RPS6KA5: variants seen among roughly 807,000 people sequenced by gnomAD.
RPS6KA5 encodes ribosomal protein S6 kinase A5.
In RPS6KA5, 27 loss-of-function variants were observed where a neutral mutation model predicts 85.5. The observed-to-expected ratio is 0.32, with a 90% CI of 0.23 to 0.44. The LOEUF (loss-of-function observed/expected upper bound fraction) is 0.44. RPS6KA5 is among the 20% of genes least tolerant of loss of function. The pLI is 1.00. For synonymous variants in RPS6KA5, 334 were observed against 348.2 expected, an observed-to-expected ratio of 0.96 and a Z score of 0.46; for missense variants, 811 against 980.9, an observed-to-expected ratio of 0.83 and a Z score of 2.31.
intron 1 of RPS6KA5, among the ~76,000 whole-genome samples, chr14:91,053,172 A>C (rs1268551932): frequency 2.0e-5 from 3 of 152,200 alleles, no homozygotes; most frequent in East Asian, 1.9e-4. Flanking sequence ...TTCATGATTT[A>C]AAAAAACACC....
At chr14:91,020,881 A>G (rs2041743711) in intron 1 of RPS6KA5, among the ~76,000 whole-genome samples, 2 of 151,956 alleles carry the variant, frequency 1.3e-5, no homozygotes, top group Admixed American at 1.3e-4. Flanking sequence ...TTATTTAAAT[A>G]TAATTTTTTG....
intron 1 of RPS6KA5, among the ~76,000 whole-genome samples, chr14:91,050,292 G>A (rs747105704): frequency 6.6e-6 from 1 of 152,158 alleles, no homozygotes; most frequent in Non-Finnish European, 1.5e-5. Context: ...GAGGCAGAAG[G>A]TTCACTTGAG....
chr14:90,977,900 C>T (rs1163998896), intron 3 of RPS6KA5, among the ~76,000 whole-genome samples: 4 of 152,058 alleles, frequency 2.6e-5, no homozygotes, highest in African/African-American at 9.7e-5. Context: ...ACTTAAAATA[C>T]AAAAATTAGC....
At chr14:90,972,357 C>T (rs1355891302) in intron 3 of RPS6KA5, among the ~76,000 whole-genome samples, 2 of 152,044 alleles carry the variant, frequency 1.3e-5, no homozygotes, top group Non-Finnish European at 2.9e-5. Flanking sequence ...ACTAACCTTA[C>T]CAAGAATTAA....
In RPS6KA5 at chr14:90,988,479, A is replaced by G. The variant is rs1381596776; in HGVS notation, c.176-9955T>C. Among the ~76,000 whole-genome samples the G allele has an allele frequency of 3.3e-5, 5 of 152,224 alleles. No homozygotes were observed. The East Asian group carries it at 7.7e-4, about 23-fold the overall frequency. ...GGAGAGGAATGTTAACCTATACTAC[A>G]CTAAGATGGTTCAGAATCTAAGATG... On this transcript the variant is annotated intron_variant, in intron 2 of 16. Coordinates refer to ENST00000614987, the MANE Select transcript of RPS6KA5 (RefSeq NM_004755.4).
intron 14 of RPS6KA5, among the ~76,000 whole-genome samples, chr14:90,889,716 T>A (rs1313195490): frequency 1.3e-5 from 2 of 152,192 alleles, no homozygotes; most frequent in Non-Finnish European, 2.9e-5. Context: ...TAATCTTATT[T>A]GTTAAAAAAT....
At chr14:91,053,860 C>A (rs1330867021) in intron 1 of RPS6KA5, among the ~76,000 whole-genome samples, 1 of 152,116 alleles carries the variant, frequency 6.6e-6, no homozygotes, top group Non-Finnish European at 1.5e-5. Context: ...ATCCTAGAAT[C>A]CATATGGAAA....
chr14:90,951,271 CAGG>C (rs1415815121), intron 3 of RPS6KA5, among the ~76,000 whole-genome samples: 1 of 152,034 alleles, frequency 6.6e-6, no homozygotes, highest in Non-Finnish European at 1.5e-5. Flanking sequence ...GTCACCAGGT[CAGG>C]AGATCGAGAC....
At chr14:90,910,685 A>T (rs1450324205) in intron 7 of RPS6KA5, among the ~76,000 whole-genome samples, 95 of 147,650 alleles carry the variant, frequency 6.4e-4, no homozygotes, top group Admixed American at 4.9e-3. Context: ...CATTATTATT[A>T]TTTTTTTTTT....
chr14:90,854,839 T>C lies in RPS6KA5; in HGVS notation c.*17235A>G, dbSNP rs567633312. On this transcript the variant is annotated 3_prime_UTR_variant, in exon 17 of 17. Coordinates refer to ENST00000614987, the MANE Select transcript of RPS6KA5 (RefSeq NM_004755.4). ...TAAAAAATGTCAATACCTAGTTACT[T>C]CAAAAAATACCTTCAAAATGTTTAC... The C allele has an allele frequency of 1.7e-4, 26 of 152,286 alleles. No individual in the cohort carries two copies. The highest frequency in any genetic ancestry group is 3.4e-3 in the Middle Eastern group (1 of 294). 9.4% of individuals were successfully genotyped at this position (152,286 alleles called of 1,614,324 possible). A position where few individuals can be genotyped will look rare whatever the true frequency, so the allele number is the denominator to read the frequency against.
chr14:91,033,632 C>T (rs569147098), intron 1 of RPS6KA5, among the ~76,000 whole-genome samples: 1 of 152,104 alleles, frequency 6.6e-6, no homozygotes, highest in African/African-American at 2.4e-5. Flanking sequence ...AACTGTTGGA[C>T]AGAATGAAGA....
chr14:90,970,232 G>A (rs1478206232), intron 3 of RPS6KA5, among the ~76,000 whole-genome samples: 1 of 152,066 alleles, frequency 6.6e-6, no homozygotes, highest in Non-Finnish European at 1.5e-5. Context: ...TCAATCTTGT[G>A]AATTAGTCAT....
intron 7 of RPS6KA5, among the ~76,000 whole-genome samples, chr14:90,912,615 G>A (rs2035890338): frequency 6.6e-6 from 1 of 152,162 alleles, no homozygotes; most frequent in Admixed American, 6.5e-5. Flanking sequence ...CGGTGCTGTT[G>A]ATGTCACTCT....
intron 15 of RPS6KA5, among the ~76,000 whole-genome samples, chr14:90,874,282 C>T (rs1194480052): frequency 2.6e-5 from 4 of 152,226 alleles, no homozygotes; most frequent in Non-Finnish European, 5.9e-5. Context: ...TAGCAAGATA[C>T]ACAGGCACAG....
intron 5 of RPS6KA5, among the ~76,000 whole-genome samples, chr14:90,938,102 T>C (rs948385864): frequency 6.6e-6 from 1 of 152,166 alleles, no homozygotes; most frequent in Admixed American, 6.5e-5. Context: ...AGTACAGGCA[T>C]TGGTTAAATA....
chr14:90,930,167 C>T (rs963442124), intron 5 of RPS6KA5, among the ~76,000 whole-genome samples: 10 of 152,296 alleles, frequency 6.6e-5, no homozygotes, highest in Non-Finnish European at 1.2e-4. Context: ...CCACCACGCC[C>T]GGCCAGCCAG....
At chr14:91,004,665 G>T (rs904837897) in intron 1 of RPS6KA5, among the ~76,000 whole-genome samples, 1 of 152,008 alleles carries the variant, frequency 6.6e-6, no homozygotes, top group Non-Finnish European at 1.5e-5. Flanking sequence ...ACCACCACAA[G>T]CATGATATAA....
intron 1 of RPS6KA5, among the ~76,000 whole-genome samples, chr14:91,025,009 T>C (rs1390489559): frequency 6.6e-6 from 1 of 151,776 alleles, no homozygotes; most frequent in East Asian, 1.9e-4. Context: ...AGCTTCCCAA[T>C]AGCTGGGACT....
At chr14:91,051,847 T>G (rs1311700179) in intron 1 of RPS6KA5, among the ~76,000 whole-genome samples, 1 of 151,512 alleles carries the variant, frequency 6.6e-6, no homozygotes, top group Non-Finnish European at 1.5e-5. Flanking sequence ...AGAAGAGAAC[T>G]TTGTCAACCT....
Sources: allele counts gnomAD v4.1 joint callset (sites outside exome capture counted in the v4.1 genomes callset), GRCh38; gene constraint gnomAD v4.1.1; transcripts MANE v1.5; gene names NCBI Gene and HGNC (gene_info 2026-07-23, HGNC 2026-07-21).